The following CEP112 variants were observed in gnomAD, a reference collection of about 807,000 sequenced individuals.
CEP112 encodes the protein centrosomal protein 112, also known as centrosomal protein of 112 kDa.
CEP112 carries 127 observed loss-of-function variants against 153.0 expected under a neutral mutation model. The observed-to-expected ratio is 0.83, with a 90% CI of 0.72 to 0.96. The LOEUF (loss-of-function observed/expected upper bound fraction) is 0.96. Ranked by LOEUF, CEP112 falls within the 40% of genes least tolerant of loss-of-function variation. CEP112 has a pLI of 0.00. For synonymous variants in CEP112, 358 were observed against 374.4 expected, an observed-to-expected ratio of 0.96 and a Z score of 0.51; for missense variants, 1,089 against 1,101.2, an observed-to-expected ratio of 0.99 and a Z score of 0.16.
intron 16 of CEP112, among the ~76,000 whole-genome samples, chr17:66,020,097 G>T (rs2064941612): frequency 6.6e-6 from 1 of 152,130 alleles, no homozygotes; most frequent in Admixed American, 6.6e-5. Context: ...TACATACCAG[G>T]ATATCAGGAA....
intron 23 of CEP112, among the ~76,000 whole-genome samples, chr17:65,690,665 T>C (rs912609252): frequency 3.3e-5 from 5 of 151,998 alleles, no homozygotes; most frequent in African/African-American, 1.2e-4. Flanking sequence ...GCAAGTCACA[T>C]GTAAATTTCC....
At chr17:65,720,289 T>C (rs1313291692) in intron 23 of CEP112, among the ~76,000 whole-genome samples, 1 of 152,204 alleles carries the variant, frequency 6.6e-6, no homozygotes, top group Non-Finnish European at 1.5e-5. Context: ...CACTATGATC[T>C]AAAAGATCTG....
At chr17:65,963,674 GGTGTGTGTGTGTGT>G (rs58215209) in intron 17 of CEP112, among the ~76,000 whole-genome samples, 1 of 147,542 alleles carries the variant, frequency 6.8e-6, no homozygotes, top group East Asian at 2.0e-4. Context: ...TATAGATAGG[GGTGTGTGTGTGTGT>G]GTGTGTGTGT....
chr17:65,839,033 C>T (rs1048837295), intron 21 of CEP112, among the ~76,000 whole-genome samples: 1 of 152,002 alleles, frequency 6.6e-6, no homozygotes, highest in Non-Finnish European at 1.5e-5. Context: ...CAAAGAAAAA[C>T]CCAGAACCTG....
intron 18 of CEP112, among the ~76,000 whole-genome samples, chr17:65,936,358 T>C (rs7206957): frequency 0.48 from 72,797 of 151,962 alleles, 18,442 homozygotes; most frequent in East Asian, 0.89. Flanking sequence ...AGAACTAATA[T>C]CAATCCTGCT....
chr17:65,913,892 C>A (rs2060375987), intron 19 of CEP112: 1 of 984,712 alleles, frequency 1.0e-6, no homozygotes, highest in Non-Finnish European at 1.2e-6. Context: ...CAAAACACTT[C>A]TCCAGCACCT....
At chr17:65,882,977 C>T (rs1359464806) in intron 20 of CEP112, among the ~76,000 whole-genome samples, 1 of 151,962 alleles carries the variant, frequency 6.6e-6, no homozygotes, top group Non-Finnish European at 1.5e-5. Flanking sequence ...AGTGAATCTG[C>T]CTTCATTAAT....
chr17:66,123,389 C>T (rs1304657175), intron 6 of CEP112, among the ~76,000 whole-genome samples: 1 of 152,192 alleles, frequency 6.6e-6, no homozygotes, highest in Non-Finnish European at 1.5e-5. Context: ...TCTTCTTTGC[C>T]ACACCCACTG....
At position 65,878,350 on chromosome 17, in the gene CEP112, T is replaced by C. The variant is rs185887820; in HGVS notation, c.2163+23802A>G. Among the ~76,000 whole-genome samples the C allele has an allele frequency of 6.8e-4, 104 of 152,304 alleles. 2 individuals carry two copies. In the Middle Eastern group the frequency reaches 0.02, roughly 30 times the overall value. On this transcript the variant is annotated intron_variant, in intron 20 of 26. Coordinates refer to ENST00000535342, the MANE Select transcript of CEP112 (RefSeq NM_001199165.4). ...AACATATAAAGCTATTTGTCAATTA[T>C]ACCCCCAATGAAGCTGAAAAAATGA...
Position 66,062,970 on chromosome 17 carries a change from T to TC in CEP112, c.1066dup (p.Glu356GlyfsTer17). ...GTATTTTATGTAGCTTACCTTTTTT[T>TC]CCCAGTCATTATTTAGAGATTCCGT... On this transcript the variant is annotated frameshift_variant, in exon 11 of 27. Transcript: ENST00000535342. LOFTEE classifies it high-confidence loss of function. 2 of 1,543,692 alleles carry TC rather than the reference T, an allele frequency of 1.3e-6. No individual in the cohort carries two copies. Among genetic ancestry groups the TC allele is most frequent in the Non-Finnish European group, 1.8e-6 (2 of 1,133,296 alleles).
chr17:65,979,060 T>C (rs950198485), intron 17 of CEP112, among the ~76,000 whole-genome samples: 29 of 152,120 alleles, frequency 1.9e-4, no homozygotes, highest in Admixed American at 1.6e-3. Context: ...AGCAAAGGAA[T>C]GTTTACAATA....
intron 17 of CEP112, among the ~76,000 whole-genome samples, chr17:65,987,873 C>T (rs1014413024): frequency 2.0e-5 from 3 of 152,176 alleles, no homozygotes; most frequent in Non-Finnish European, 2.9e-5. Flanking sequence ...ACCAGCTTCT[C>T]CAACATATTG....
At chr17:65,744,744 G>A (rs189505742) in intron 22 of CEP112, among the ~76,000 whole-genome samples, 2 of 152,300 alleles carry the variant, frequency 1.3e-5, no homozygotes, top group Non-Finnish European at 2.9e-5. Context: ...TTAACCATCT[G>A]ATGAGAAACT....
chr17:65,866,202 C>T (rs1008169321), intron 20 of CEP112, among the ~76,000 whole-genome samples: 4 of 152,218 alleles, frequency 2.6e-5, no homozygotes, highest in African/African-American at 7.2e-5. Context: ...TCCCTGCTCC[C>T]GGCACCCACT....
chr17:65,944,232 T>C (rs779877200), intron 18 of CEP112, among the ~76,000 whole-genome samples: 2 of 152,158 alleles, frequency 1.3e-5, no homozygotes, highest in Non-Finnish European at 2.9e-5. Context: ...ATACCTTAAG[T>C]GATGGGTTGA....
intron 2 of CEP112, among the ~76,000 whole-genome samples, chr17:66,181,645 G>A (rs772124228): frequency 1.6e-4 from 25 of 152,078 alleles, no homozygotes; most frequent in Non-Finnish European, 2.6e-4. Context: ...ATGAGCCACC[G>A]CGCTTGGCCC....
chr17:65,663,100 T>C (rs2046479498), intron 24 of CEP112, among the ~76,000 whole-genome samples: 1 of 152,240 alleles, frequency 6.6e-6, no homozygotes. Flanking sequence ...TTAACTTTTT[T>C]CATCCAGCTT....
chr17:66,050,499 T>C (rs934421240), intron 12 of CEP112, among the ~76,000 whole-genome samples: 1 of 152,216 alleles, frequency 6.6e-6, no homozygotes, highest in African/African-American at 2.4e-5. Context: ...TGCTGAGTTG[T>C]AGAAGAGACA....
intron 12 of CEP112, among the ~76,000 whole-genome samples, chr17:66,041,362 C>A (rs1266712434): frequency 6.6e-6 from 1 of 151,872 alleles, no homozygotes; most frequent in African/African-American, 2.4e-5. Flanking sequence ...CACCTTTAAG[C>A]AAAACAGTGT....
Sources: gnomAD v4.1 joint callset for allele counts (sites outside exome capture counted in the v4.1 genomes callset) on GRCh38, gnomAD v4.1.1 for gene constraint, MANE v1.5 for transcripts, NCBI Gene and HGNC (gene_info 2026-07-23, HGNC 2026-07-21) for gene names.